NXPE4: variants seen among roughly 807,000 people sequenced by gnomAD.
NXPE4 encodes NXPE family member 4.
In NXPE4, 42 loss-of-function variants were observed where a neutral mutation model predicts 33.3. The observed-to-expected ratio is 1.26, with a 90% CI of 0.98 to 1.63. The LOEUF (loss-of-function observed/expected upper bound fraction) is 1.63. Among genes scored for constraint, NXPE4 ranks in the 40% most tolerant of loss-of-function variants. The pLI, the probability that NXPE4 is intolerant of heterozygous loss-of-function variation, is 0.00. For missense variants in NXPE4, 709 were observed against 647.6 expected (o/e 1.09, Z -1.03); for synonymous variants, 253 against 234.9 (o/e 1.08, Z -0.71).
At chr11:114,661,181 T>C in the NXPE4 span, among the ~76,000 whole-genome samples, 2 of 152,186 alleles carry the variant, frequency 1.3e-5, no homozygotes, top group African/African-American at 4.8e-5. Flanking sequence ...TCTCCCAAAA[T>C]TGATCTATAG....
chr11:114,631,512 G>C, the NXPE4 span, among the ~76,000 whole-genome samples: 1 of 129,378 alleles, frequency 7.7e-6, no homozygotes. Flanking sequence ...ATAACACTCT[G>C]GGGACTGTTG....
intron 2 of NXPE4, among the ~76,000 whole-genome samples, chr11:114,584,862 G>A (rs1172191100): frequency 6.6e-6 from 1 of 152,168 alleles, no homozygotes; most frequent in Non-Finnish European, 1.5e-5. Flanking sequence ...GGGCAGCTGT[G>A]CTGGGTGATC....
intron 2 of NXPE4, 138 bp from the exon 3 acceptor site, chr11:114,583,159 C>T (rs2135237446): frequency 3.2e-6 from 3 of 924,018 alleles, no homozygotes; most frequent in Non-Finnish European, 4.9e-6. Context: ...TATTGATTTA[C>T]ATACTATTAT....
chr11:114,648,612 AATC>A, the NXPE4 span, among the ~76,000 whole-genome samples: 2 of 152,210 alleles, frequency 1.3e-5, no homozygotes, highest in East Asian at 3.8e-4. Flanking sequence ...ACATAAAATT[AATC>A]ATCGTGTCTA....
chr11:114,618,203 T>C, the NXPE4 span, among the ~76,000 whole-genome samples: 6 of 152,076 alleles, frequency 3.9e-5, no homozygotes, highest in African/African-American at 9.6e-5. Context: ...TATTGCCTCA[T>C]TGGTCACCAC....
At chr11:114,651,114 G>A in the NXPE4 span, among the ~76,000 whole-genome samples, 1 of 151,890 alleles carries the variant, frequency 6.6e-6, no homozygotes, top group East Asian at 1.9e-4. Context: ...ATATATAATA[G>A]AATGTGTCCA....
chr11:114,639,669 A>G, the NXPE4 span, among the ~76,000 whole-genome samples: 1 of 141,392 alleles, frequency 7.1e-6, no homozygotes, highest in Non-Finnish European at 1.5e-5. Context: ...TACTTGTATT[A>G]TATATGTAAT....
chr11:114,660,259 T>C, the NXPE4 span, among the ~76,000 whole-genome samples: 1 of 152,114 alleles, frequency 6.6e-6, no homozygotes, highest in African/African-American at 2.4e-5. Context: ...TCTACTGATT[T>C]TTTTCAGAAA....
chr11:114,625,825 G>A, the NXPE4 span, among the ~76,000 whole-genome samples: 14 of 152,216 alleles, frequency 9.2e-5, no homozygotes, highest in East Asian at 3.9e-4. Flanking sequence ...AGCACACCAC[G>A]TGCAAGCTGA....
the NXPE4 span, among the ~76,000 whole-genome samples, chr11:114,613,639 A>T: frequency 2.6e-5 from 4 of 151,598 alleles, no homozygotes; most frequent in Admixed American, 6.6e-5. Flanking sequence ...CTGGATAACA[A>T]GTGTTGCCTT....
intron 1 of NXPE4, 117 bp from the exon 2 acceptor site, chr11:114,594,886 A>G (rs1949545242): frequency 1.7e-6 from 1 of 593,486 alleles, no homozygotes; most frequent in Admixed American, 3.1e-5. Context: ...CCTCAGATAA[A>G]TAACTCCCAG....
the NXPE4 span, among the ~76,000 whole-genome samples, chr11:114,610,719 T>C: frequency 1.3e-5 from 2 of 151,950 alleles, no homozygotes; most frequent in Admixed American, 1.3e-4. Flanking sequence ...ACCTGTTTCC[T>C]CCTGGGTAAC....
upstream of NXPE4, among the ~76,000 whole-genome samples, chr11:114,598,929 A>G (rs968754153): frequency 5.3e-5 from 8 of 152,138 alleles, no homozygotes; most frequent in African/African-American, 1.9e-4. Context: ...GCTCCTTTTT[A>G]CTTATGCAAA....
At chr11:114,629,429 A>G in the NXPE4 span, among the ~76,000 whole-genome samples, 1 of 150,966 alleles carries the variant, frequency 6.6e-6, no homozygotes, top group African/African-American at 2.4e-5. Context: ...CCACATGATT[A>G]TCTCAATAGA....
the NXPE4 span, among the ~76,000 whole-genome samples, chr11:114,612,285 G>A: frequency 0.019 from 2,876 of 151,684 alleles, 88 homozygotes; most frequent in African/African-American, 0.066. Flanking sequence ...ACTATTACCC[G>A]TTGGATAATA....
chr11:114,634,019 A>G, the NXPE4 span, among the ~76,000 whole-genome samples: 1 of 151,836 alleles, frequency 6.6e-6, no homozygotes, highest in Non-Finnish European at 1.5e-5. Context: ...CTAGTTCTAG[A>G]TCCCTGAGGA....
the NXPE4 span, among the ~76,000 whole-genome samples, chr11:114,629,200 C>T: frequency 6.6e-6 from 1 of 152,012 alleles, no homozygotes; most frequent in South Asian, 2.1e-4. Context: ...GATACCAAAG[C>T]CGGGCAGAGA....
At chr11:114,629,969 G>GT in the NXPE4 span, among the ~76,000 whole-genome samples, 9 of 150,462 alleles carry the variant, frequency 6.0e-5, 1 homozygote, top group African/African-American at 2.2e-4. Flanking sequence ...TACAAGGGAC[G>GT]TGAAGGAACT....
At chr11:114,576,279 A>G (rs1199302744) in intron 5 of NXPE4, among the ~76,000 whole-genome samples, 2 of 152,184 alleles carry the variant, frequency 1.3e-5, no homozygotes, top group African/African-American at 4.8e-5. Context: ...ACCCTTCTAG[A>G]CACTGGCTTA....
Sources: allele counts gnomAD v4.1 joint callset (sites outside exome capture counted in the v4.1 genomes callset), GRCh38; gene constraint gnomAD v4.1.1; transcripts MANE v1.5; gene names NCBI Gene and HGNC (gene_info 2026-07-23, HGNC 2026-07-21).